Variants in TMTC4 observed in about 807,000 individuals in gnomAD.
TMTC4 encodes transmembrane O-mannosyltransferase targeting cadherins 4, also known as protein O-mannosyl-transferase TMTC4.
A neutral mutation model predicts 86.0 loss-of-function variants in TMTC4; 65 were observed. The ratio of observed to expected loss-of-function variants is 0.76; its 90% CI spans 0.62 to 0.93. TMTC4 has a LOEUF of 0.93. Among genes scored for constraint, TMTC4 ranks in the 40% least tolerant of loss-of-function variants. TMTC4 has a pLI of 0.00. For synonymous variants in TMTC4, 379 were observed against 382.5 expected (o/e 0.99, Z 0.11); for missense variants, 866 against 948.1 (o/e 0.91, Z 1.14).
chr13:100,653,202 C>CAAAG (rs1274257470), intron 6 of TMTC4, among the ~76,000 whole-genome samples: 2 of 152,158 alleles, frequency 1.3e-5, no homozygotes, highest in East Asian at 3.8e-4. Flanking sequence ...AATCTATCAA[C>CAAAG]AAAGAAGCAC....
At chr13:100,636,322 C>T (rs527854285) in intron 10 of TMTC4, among the ~76,000 whole-genome samples, 27 of 152,346 alleles carry the variant, frequency 1.8e-4, no homozygotes, top group African/African-American at 6.5e-4. Flanking sequence ...AAGCAGTCAT[C>T]CGTAGCTCCT....
intron 18 of TMTC4, among the ~76,000 whole-genome samples, chr13:100,606,049 C>G (rs1458604728): frequency 2.0e-5 from 3 of 152,194 alleles, no homozygotes; most frequent in Non-Finnish European, 4.4e-5. Context: ...TAGGAGAACT[C>G]TTCGCAACCA....
chr13:100,655,541 C>T (rs1366921567), intron 6 of TMTC4, among the ~76,000 whole-genome samples: 1 of 152,110 alleles, frequency 6.6e-6, no homozygotes, highest in Non-Finnish European at 1.5e-5. Context: ...TGGGGCCGGC[C>T]AATTCAACCT....
At chr13:100,669,761 C>T (rs77989627) in intron 2 of TMTC4, among the ~76,000 whole-genome samples, 2,151 of 152,176 alleles carry the variant, frequency 0.014, 50 homozygotes, top group African/African-American at 0.049. Flanking sequence ...AACCTACCCC[C>T]AAACTCGCAC....
At chr13:100,638,183 C>T (rs543207555) in intron 7 of TMTC4, 161 bp from the exon 8 acceptor site, 14 of 550,116 alleles carry the variant, frequency 2.5e-5, no homozygotes, top group East Asian at 5.8e-5. Context: ...AACAGCCGTA[C>T]GTTTCTATGA....
At chr13:100,637,190 A>C (rs1272672743) in intron 9 of TMTC4, among the ~76,000 whole-genome samples, 5 of 152,110 alleles carry the variant, frequency 3.3e-5, no homozygotes, top group Admixed American at 3.3e-4. Context: ...TGACACCACT[A>C]GTCTTCTAAA....
chr13:100,641,810 C>T (rs1883057197), intron 7 of TMTC4, among the ~76,000 whole-genome samples: 1 of 152,186 alleles, frequency 6.6e-6, no homozygotes, highest in Non-Finnish European at 1.5e-5. Context: ...TCTAAACTAT[C>T]CACCAGCCTT....
intron 1 of TMTC4, chr13:100,673,337 T>G (rs1029149589): frequency 2.0e-6 from 2 of 985,270 alleles, no homozygotes; most frequent in Non-Finnish European, 2.4e-6. Context: ...TTGGAAAAAT[T>G]AGCAGCAGCC....
At chr13:100,617,212 A>G (rs750931942) in intron 15 of TMTC4, among the ~76,000 whole-genome samples, 1 of 151,986 alleles carries the variant, frequency 6.6e-6, no homozygotes, top group Non-Finnish European at 1.5e-5. Context: ...GTGGCTCACT[A>G]CAGCCTTGAC....
rs56907128 is a variant in TMTC4, at chr13:100,614,947, A to G, written c.1837-517T>C. ...AATTCACCTTGTGAAGGGTGGTCTC[A>G]GGGCCTCTTCCTGCCTGTGTCTAAA... On this transcript the variant is annotated intron_variant, in intron 15 of 18. Transcript: ENST00000342624. The G allele has an allele frequency of 0.017, 16,865 of 985,148 alleles. 1,160 individuals are homozygous for G. The African/African-American group carries it at 0.19, about 11-fold the overall frequency. 61.0% of individuals were successfully genotyped at this position (985,148 alleles called of 1,614,324 possible).
intron 3 of TMTC4, chr13:100,668,314 A>G (rs1886643415): frequency 2.3e-6 from 1 of 437,764 alleles, no homozygotes; most frequent in Admixed American, 3.9e-5. Flanking sequence ...ATCTTAGAAT[A>G]ACGGCCTCTT....
At chr13:100,654,654 A>G (rs957292547) in intron 6 of TMTC4, among the ~76,000 whole-genome samples, 3 of 152,168 alleles carry the variant, frequency 2.0e-5, no homozygotes, top group Non-Finnish European at 4.4e-5. Flanking sequence ...GGTTCCAGAA[A>G]AAGAATATAA....
intron 12 of TMTC4, among the ~76,000 whole-genome samples, chr13:100,633,648 T>C (rs1053725068): frequency 2.0e-5 from 3 of 152,358 alleles, no homozygotes; most frequent in Admixed American, 6.5e-5. Context: ...CATTGTTAGC[T>C]GATTTTGTCA....
At chr13:100,627,697 T>C (rs539609914) in intron 12 of TMTC4, among the ~76,000 whole-genome samples, 1 of 152,314 alleles carries the variant, frequency 6.6e-6, no homozygotes, top group East Asian at 1.9e-4. Context: ...AAAAAGGTTA[T>C]ACATTATACT....
At chr13:100,629,503 T>C (rs1189060468) in intron 12 of TMTC4, among the ~76,000 whole-genome samples, 1 of 152,102 alleles carries the variant, frequency 6.6e-6, no homozygotes, top group Non-Finnish European at 1.5e-5. Flanking sequence ...GGCTGTGAAG[T>C]TGGATTAGAA....
intron 1 of TMTC4, among the ~76,000 whole-genome samples, chr13:100,672,768 A>G (rs1887289383): frequency 6.6e-6 from 1 of 152,180 alleles, no homozygotes; most frequent in African/African-American, 2.4e-5. Context: ...TGGGGATTAC[A>G]GGTGTGAACC....
rs1877764233 is a variant in TMTC4, at chr13:100,612,501, G to A, written c.1961C>T (p.Ala654Val). The change falls in exon 17 of 19, where the codon GCC (alanine) becomes GTC (valine). Residue 654 changes from alanine to valine, a missense_variant. Coordinates refer to ENST00000342624, the MANE Select transcript of TMTC4 (RefSeq NM_032813.5). ...IILLDNTGNL[A>V]QAEAVGREAL... ...CTCTCTTCCAACTGCTTCAGCTTGG[G>A]CTAAATTACCTGGGAGTGAAAAATG... is the stretch of plus-strand genomic sequence containing the variant. 1.2e-6 allele frequency: 2 copies of A among 1,609,528 alleles called. No individual in the cohort carries two copies. The highest frequency in any genetic ancestry group is 2.2e-5 in the East Asian group (1 of 44,732).
At chr13:100,638,209 A>T in intron 7 of TMTC4, 187 bp from the exon 8 acceptor site, 2 of 516,494 alleles carry the variant, frequency 3.9e-6, no homozygotes, top group Non-Finnish European at 3.4e-6. Flanking sequence ...GCTCAAGGTA[A>T]TAGATCATAT....
intron 15 of TMTC4, chr13:100,624,229 G>C (rs1880053560): frequency 6.5e-6 from 1 of 152,930 alleles, no homozygotes; most frequent in African/African-American, 2.4e-5. Flanking sequence ...CGGAGGCTGA[G>C]GCAGAAGAAC....
Sources: gnomAD v4.1 joint callset for allele counts (sites outside exome capture counted in the v4.1 genomes callset) on GRCh38, gnomAD v4.1.1 for gene constraint, MANE v1.5 for transcripts, NCBI Gene and HGNC (gene_info 2026-07-23, HGNC 2026-07-21) for gene names.